NAALADL1: variants seen among roughly 807,000 people sequenced by gnomAD.
NAALADL1 encodes the protein N-acetylated alpha-linked acidic dipeptidase like 1.
In NAALADL1, 77 loss-of-function variants were observed where a neutral mutation model predicts 82.8. The ratio of observed to expected loss-of-function variants is 0.93; its 90% confidence interval spans 0.77 to 1.12. NAALADL1 has a LOEUF of 1.12. NAALADL1 is among the 50% of genes most tolerant of loss of function. The probability of loss-of-function intolerance (pLI) is 0.00; values close to 1 mark genes in which losing one functional copy is unlikely to be tolerated. For synonymous variants in NAALADL1, 358 were observed against 399.2 expected, an observed-to-expected ratio of 0.90 and a Z score of 1.23; for missense variants, 956 against 964.0, an observed-to-expected ratio of 0.99 and a Z score of 0.11.
At chr11:65,059,802 G>A (rs1947145066), upstream of NAALADL1, among the ~76,000 whole-genome samples, 1 of 152,232 alleles carries the variant, frequency 6.6e-6, no homozygotes, top group Non-Finnish European at 1.5e-5. Flanking sequence ...CCTGTAGAGG[G>A]AGGATCACCA....
In NAALADL1 at chr11:65,057,946, C is replaced by T. The variant is rs143826156; in HGVS notation, c.409G>A (p.Val137Met). The T allele has an allele frequency of 9.5e-5, 153 of 1,614,036 alleles. No homozygotes were observed. Among genetic ancestry groups the T allele is most frequent in the African/African-American group, 3.6e-4 (27 of 74,922 alleles). The change falls in exon 3 of 18, where the codon GTG becomes ATG. Residue 137 changes from valine to methionine, a missense_variant. Transcript: ENST00000358658. ...TCTGGCCCCCCTTGCTCCCCGGTCA[C>T]GTTCTCCTCAGTCCGGTGGCAGGAG... ...IHSCHRTEEN[V>M]TGEQGGPDVV... is the part of the protein sequence containing the mutation.
rs781591870 is a variant in NAALADL1 at position 65,047,968 on chromosome 11, T to C, written c.1416+13A>G. ...CCAGCTAGTTCAGCCCCGCCCGGCC[T>C]GCCCCCTTCCACCTCTTTGGTTGCA... On this transcript the variant is annotated intron_variant, in intron 11 of 17. Transcript: ENST00000358658. 3.4e-6 allele frequency: 4 copies of C among 1,188,824 alleles called. 1 individual carries two copies. The South Asian group carries it at 7.4e-5, about 22-fold the overall frequency. The allele number at this position is 1,188,824 out of a possible 1,614,324, so 73.6% of individuals were successfully genotyped here. A position where few individuals can be genotyped will look rare whatever the true frequency, so the allele number is the denominator to read the frequency against.
chr11:65,047,987 G>A lies in NAALADL1; in HGVS notation c.1410C>T (p.Thr470=). 2.7e-6 allele frequency: 4 copies of A among 1,502,112 alleles called. No individual in the cohort carries two copies. The highest frequency in any genetic ancestry group is 3.6e-6 in the Non-Finnish European group (4 of 1,113,882). The allele number at this position is 1,502,112 out of a possible 1,614,324, so 93.0% of individuals were successfully genotyped here. ...CCGGCCTGCCCCCTTCCACCTCTTT[G>A]GTTGCAGAGAAGACGACGCTCTGGA... ...PPVQSVVFSA[T]KEIRSPGPGD... Residue 470 remains threonine (T), a synonymous_variant, in exon 11 of 18, where the codon ACC becomes ACT. Coordinates refer to ENST00000358658, the MANE Select transcript of NAALADL1 (RefSeq NM_005468.3).
chr11:65,057,960 C>T lies in NAALADL1; in HGVS notation c.395G>A (p.Arg132Gln), dbSNP rs776344083. ...CTCCCCGGTCACGTTCTCCTCAGTC[C>T]GGTGGCAGGAGTGGATGATGCCCCC... is the stretch of plus-strand genomic sequence containing the variant. ...PTGGIIHSCH[R>Q]TEENVTGEQG... Residue 132 changes from arginine (R) to glutamine (Q), a missense_variant, in exon 3 of 18, where the codon CGG becomes CAG. By Grantham distance (43) the Arg-to-Gln change is conservative. Transcript: ENST00000358658. 5 of 1,614,124 alleles carry T rather than the reference C, an allele frequency of 3.1e-6. No homozygotes were observed. The highest frequency in any genetic ancestry group is 2.2e-5 in the East Asian group (1 of 44,870).
In NAALADL1 at chr11:65,058,523, C is replaced by T; in HGVS notation, c.-2G>A. 2 of 1,585,510 alleles carry T rather than the reference C, an allele frequency of 1.3e-6. No individual in the cohort carries two copies. The highest frequency in any genetic ancestry group is 1.7e-6 in the Non-Finnish European group (2 of 1,166,720). On this transcript the variant is annotated 5_prime_UTR_variant, in exon 1 of 18. Coordinates refer to ENST00000358658, the MANE Select transcript of NAALADL1 (RefSeq NM_005468.3). ...CCCCAACACCTTCGTCCACTGCATC[C>T]TGCGGACTCTTGGCCAGCTGGGGTA...
chr11:65,055,822 C>T (rs932937133), intron 4 of NAALADL1, among the ~76,000 whole-genome samples: 1 of 149,746 alleles, frequency 6.7e-6, no homozygotes, highest in African/African-American at 2.5e-5. Flanking sequence ...CCTTTCTTTT[C>T]TTCCTTCCTT....
chr11:65,057,251 C>A (rs971701318), intron 4 of NAALADL1, 120 bp downstream of exon 4: 7 of 1,438,038 alleles, frequency 4.9e-6, no homozygotes, highest in Non-Finnish European at 5.5e-6. Context: ...CTGCCCCACC[C>A]TGGGGCTTGG....
intron 2 of NAALADL1, 35 bp downstream of exon 2, chr11:65,058,043 C>G: frequency 6.2e-7 from 1 of 1,612,716 alleles, no homozygotes; most frequent in South Asian, 1.1e-5. Context: ...CAGCTCCCCA[C>G]CCCCGGGCAT....
chr11:65,058,054 T>A (rs1425060029), intron 2 of NAALADL1, 24 bp downstream of exon 2: 1 of 1,612,388 alleles, frequency 6.2e-7, no homozygotes, highest in Non-Finnish European at 8.5e-7. Flanking sequence ...CCCCGGGCAT[T>A]CCCAAGACTG....
Position 65,046,011 on chromosome 11 carries a change from C to CGCTGCCCTTGCTCACTCAGG in NAALADL1, c.1939_1943+15dup, listed in dbSNP as rs1946713884. 1.2e-6 allele frequency: 2 copies of CGCTGCCCTTGCTCACTCAGG among 1,612,860 alleles called. No homozygotes were observed. Among genetic ancestry groups the CGCTGCCCTTGCTCACTCAGG allele is most frequent in the South Asian group, 2.2e-5 (2 of 90,914 alleles). Reference sequence around the variant, plus strand: ...GGGTGCTGCCCTCCCAGCCCCTGCCCGCTGCCCTTGCTCACTCAGGGCTGC... The same window carrying CGCTGCCCTTGCTCACTCAGG: ...GGGTGCTGCCCTCCCAGCCCCTGCCCGCTGCCCTTGCTCACTCAGGGCTGCCCTTGCTCACTCAGGGCTGC... On this transcript the variant is annotated intron_variant, in intron 16 of 17. Coordinates refer to ENST00000358658, the MANE Select transcript of NAALADL1 (RefSeq NM_005468.3).
chr11:65,059,029 T>TC (rs1428629992), upstream of NAALADL1, among the ~76,000 whole-genome samples: 1 of 152,224 alleles, frequency 6.6e-6, no homozygotes. Context: ...TTTTTTTTTT[T>TC]CTAGACTGTG....
At chr11:65,047,906 C>CCCCCCGAG in intron 11 of NAALADL1, 75 bp downstream of exon 11, 1 of 1,292,242 alleles carries the variant, frequency 7.7e-7, no homozygotes, top group Non-Finnish European at 1.1e-6. Context: ...CAGCCCCGCC[C>CCCCCCGAG]ACCCGTAGCG....
chr11:65,048,506 T>C, intron 8 of NAALADL1, 121 bp from the exon 9 acceptor site: 7 of 1,077,384 alleles, frequency 6.5e-6, no homozygotes, highest in Non-Finnish European at 9.6e-6. Flanking sequence ...GGTGACAGGA[T>C]GTCCTGGCAC....
Position 65,054,760 on chromosome 11 carries a change from G to A in NAALADL1, c.604-22C>T. The A allele has an allele frequency of 6.2e-7, 1 of 1,608,074 alleles. No homozygotes were observed. Among genetic ancestry groups the A allele is most frequent in the Admixed American group, 1.7e-5 (1 of 59,872 alleles). On this transcript the variant is annotated intron_variant, in intron 4 of 17. Transcript: ENST00000358658. The surrounding 1 kb of genome is among the most constrained non-coding windows in gnomAD (Gnocchi z 4.3). ...CAGCCTGCAGTGGGCAGAGGAGGCT[G>A]TGTGTAAGGGAGGGACCGGGACCAG...
At position 65,053,276 on chromosome 11, in the gene NAALADL1, G is replaced by A; in HGVS notation, c.1140C>T (p.Ser380=). 1 of 1,556,758 alleles carries A rather than the reference G, an allele frequency of 6.4e-7. No homozygotes were observed. The highest frequency in any genetic ancestry group is 8.7e-7 in the Non-Finnish European group (1 of 1,150,436). ...DSWVHGAVDP[S]SGTAVLLELS... The stretch of plus-strand genomic sequence containing the variant: ...GCTCCAGGAGGACGGCGGTGCCACT[G>A]CTGGGGTCCACAGCCCCGTGCACCC... The change falls in exon 8 of 18, where the codon AGC becomes AGT. Residue 380 remains serine (S), a synonymous_variant. Transcript: ENST00000358658. The surrounding 1 kb of genome is among the most constrained non-coding windows in gnomAD (Gnocchi z 4.3).
At chr11:65,057,835 G>A (rs776867906) in intron 3 of NAALADL1, 40 bp downstream of exon 3, 2 of 1,609,324 alleles carry the variant, frequency 1.2e-6, no homozygotes. Flanking sequence ...GTGGAACCAA[G>A]GGAGCTGGGC....
chr11:65,046,214 C>G lies in NAALADL1; in HGVS notation c.1830G>C (p.Leu610=). The G allele has an allele frequency of 6.2e-7, 1 of 1,614,114 alleles. No individual in the cohort carries two copies. The highest frequency in any genetic ancestry group is 1.3e-5 in the African/African-American group (1 of 75,066). ...CCAGGCTGATGCTGTGCTGCTCCAGCAGGGCCCCAAGATCTTGCTGGGCTG... is the reference window on the plus strand; with the variant it reads ...CCAGGCTGATGCTGTGCTGCTCCAGGAGGGCCCCAAGATCTTGCTGGGCTG... ...LQAAQQDLGA[L]LEQHSISLGP... The change falls in exon 15 of 18, where the codon CTG becomes CTC. Residue 610 remains leucine (L), a synonymous_variant. Transcript: ENST00000358658.
chr11:65,053,199 G>C lies in NAALADL1; in HGVS notation c.1198+19C>G, dbSNP rs1037460386. ...TCCGGGGGCGAAGGTCCCTGGTCCA[G>C]GGGAGGGGGCCGCCTCACCCTTCTT... is the stretch of plus-strand genomic sequence containing the variant. On this transcript the variant is annotated intron_variant, in intron 8 of 17. Coordinates refer to ENST00000358658, the MANE Select transcript of NAALADL1 (RefSeq NM_005468.3). The surrounding 1 kb of genome is among the most constrained non-coding windows in gnomAD (Gnocchi z 4.3). The C allele has an allele frequency of 1.5e-5, 23 of 1,526,426 alleles. No individual in the cohort carries two copies. The Admixed American group carries it at 4.7e-4, about 31-fold the overall frequency. 94.6% of individuals were successfully genotyped at this position (1,526,426 alleles called of 1,614,324 possible).
In NAALADL1 at chr11:65,047,339, G is replaced by T. The variant is rs376720438; in HGVS notation, c.1599+136C>A. ...TGTGTGTATTTCTGTGTGTGTGTGT[G>T]TTTTTTTTTAAGAAACTTGGCAGAG... On this transcript the variant is annotated intron_variant, in intron 13 of 17. Coordinates refer to ENST00000358658, the MANE Select transcript of NAALADL1 (RefSeq NM_005468.3). 344 of 657,488 alleles carry T rather than the reference G, an allele frequency of 5.2e-4. 3 individuals are homozygous for T. Among genetic ancestry groups the T allele is most frequent in the African/African-American group, 1.2e-3 (67 of 53,758 alleles). The allele number at this position is 657,488 out of a possible 1,614,324, so 40.7% of individuals were successfully genotyped here.
Sources: gnomAD v4.1 joint callset for allele counts (sites outside exome capture counted in the v4.1 genomes callset) on GRCh38, gnomAD v4.1.1 for gene constraint, Gnocchi (gnomAD v3.1) non-coding constraint, MANE v1.5 for transcripts, NCBI Gene and HGNC (gene_info 2026-07-23, HGNC 2026-07-21) for gene names.